The following RPS6KC1 variants were observed in gnomAD, a reference collection of about 807,000 sequenced individuals.
RPS6KC1 encodes the protein ribosomal protein S6 kinase C1, also known as inactive ribosomal protein S6 kinase delta-1.
Under a neutral mutation model 103.8 loss-of-function variants are expected in RPS6KC1, and 54 were observed. The ratio of observed to expected loss-of-function variants is 0.52; its 90% CI spans 0.42 to 0.65. The LOEUF is 0.65. Among genes scored for constraint, RPS6KC1 ranks in the 30% least tolerant of loss-of-function variants. The pLI is 0.00. For synonymous variants in RPS6KC1, 439 were observed against 438.7 expected (o/e 1.00, Z -0.01); for missense variants, 1,151 against 1,253.8 (o/e 0.92, Z 1.24).
chr1:213,560,888 C>T, the RPS6KC1 span, among the ~76,000 whole-genome samples: 1 of 152,056 alleles, frequency 6.6e-6, no homozygotes, highest in Admixed American at 6.6e-5. Context: ...GCTTTTTGCC[C>T]CAGATGGAGA....
At chr1:213,684,901 C>G in the RPS6KC1 span, among the ~76,000 whole-genome samples, 1 of 152,192 alleles carries the variant, frequency 6.6e-6, no homozygotes, top group African/African-American at 2.4e-5. Flanking sequence ...GGAGCTGAAT[C>G]CCGAAGATGT....
chr1:213,599,789 T>A, the RPS6KC1 span, among the ~76,000 whole-genome samples: 1 of 152,220 alleles, frequency 6.6e-6, no homozygotes, highest in African/African-American at 2.4e-5. Flanking sequence ...TGGATCAGAA[T>A]GACCTGCCTC....
chr1:213,554,832 CT>C, the RPS6KC1 span, among the ~76,000 whole-genome samples: 1 of 152,162 alleles, frequency 6.6e-6, no homozygotes, highest in Non-Finnish European at 1.5e-5. Context: ...TAGAGTCTAT[CT>C]TTTAATACTC....
chr1:213,353,900 T>C, the RPS6KC1 span, among the ~76,000 whole-genome samples: 2 of 152,126 alleles, frequency 1.3e-5, no homozygotes, highest in Admixed American at 6.5e-5. Context: ...AAAAATGATG[T>C]GGAAAAGCCG....
chr1:213,591,196 A>G, the RPS6KC1 span, among the ~76,000 whole-genome samples: 9 of 152,184 alleles, frequency 5.9e-5, no homozygotes, highest in Admixed American at 6.5e-5. Context: ...GCCCAAGCAC[A>G]TCACCTGTGT....
the RPS6KC1 span, among the ~76,000 whole-genome samples, chr1:213,736,294 G>T: frequency 6.6e-6 from 1 of 152,290 alleles, no homozygotes; most frequent in Non-Finnish European, 1.5e-5. Context: ...CAGCCAGGCC[G>T]TGTTCTCATG....
intron 5 of RPS6KC1, among the ~76,000 whole-genome samples, chr1:213,121,595 C>T (rs1037353083): frequency 6.6e-6 from 1 of 152,158 alleles, no homozygotes; most frequent in East Asian, 1.9e-4. Flanking sequence ...CTGCCCAAAT[C>T]GGTGCATATC....
At chr1:213,413,386 A>G in the RPS6KC1 span, among the ~76,000 whole-genome samples, 2 of 152,212 alleles carry the variant, frequency 1.3e-5, no homozygotes, top group African/African-American at 2.4e-5. Context: ...TCTTAAAACA[A>G]TAATAAACAC....
chr1:213,094,753 T>C (rs931452759), intron 3 of RPS6KC1, among the ~76,000 whole-genome samples: 3 of 152,178 alleles, frequency 2.0e-5, no homozygotes, highest in Admixed American at 6.5e-5. Context: ...CCATAGAACA[T>C]TGAACATTAA....
the RPS6KC1 span, among the ~76,000 whole-genome samples, chr1:213,812,299 G>A: frequency 7.1e-4 from 108 of 152,254 alleles, no homozygotes; most frequent in African/African-American, 2.5e-3. Flanking sequence ...CTTTTTGGTA[G>A]TATGGGAAGG....
intron 1 of RPS6KC1, among the ~76,000 whole-genome samples, chr1:213,059,674 G>A (rs939538770): frequency 9.2e-5 from 14 of 151,638 alleles, no homozygotes; most frequent in African/African-American, 2.9e-4. Context: ...CTACCACACC[G>A]GCTAATTTTT....
At chr1:213,235,507 TGA>T (rs1245803283) in intron 10 of RPS6KC1, among the ~76,000 whole-genome samples, 1 of 152,066 alleles carries the variant, frequency 6.6e-6, no homozygotes, top group African/African-American at 2.4e-5. Context: ...GTCATCTTAT[TGA>T]GAAGGGACAT....
the RPS6KC1 span, among the ~76,000 whole-genome samples, chr1:213,561,488 A>C: frequency 2.1e-4 from 32 of 152,166 alleles, no homozygotes; most frequent in Non-Finnish European, 3.5e-4. Context: ...ATTCCTTCTT[A>C]TGTCATTTGT....
chr1:213,853,944 T>C, the RPS6KC1 span, among the ~76,000 whole-genome samples: 9 of 152,344 alleles, frequency 5.9e-5, no homozygotes, highest in African/African-American at 1.9e-4. Flanking sequence ...AACACCAGCA[T>C]TGAGAAGAAG....
At chr1:213,837,553 C>T in the RPS6KC1 span, among the ~76,000 whole-genome samples, 1 of 152,162 alleles carries the variant, frequency 6.6e-6, no homozygotes, top group Non-Finnish European at 1.5e-5. Flanking sequence ...GAAGAACTGT[C>T]CCCTGACTAT....
At chr1:213,404,216 G>C in the RPS6KC1 span, among the ~76,000 whole-genome samples, 1 of 152,192 alleles carries the variant, frequency 6.6e-6, no homozygotes, top group African/African-American at 2.4e-5. Context: ...GCCGTGGGCT[G>C]CCTTCGGCGG....
At chr1:213,173,887 G>T (rs2091664959) in intron 7 of RPS6KC1, among the ~76,000 whole-genome samples, 1 of 152,120 alleles carries the variant, frequency 6.6e-6, no homozygotes. Flanking sequence ...TGCTTTCTTT[G>T]CTCTTTAAAT....
intron 3 of RPS6KC1, among the ~76,000 whole-genome samples, chr1:213,095,290 A>G (rs2081345489): frequency 1.3e-5 from 2 of 152,338 alleles, no homozygotes; most frequent in Admixed American, 6.5e-5. Context: ...AACTTTTGAT[A>G]TAGTTAAGAA....
the RPS6KC1 span, among the ~76,000 whole-genome samples, chr1:213,393,514 CCTT>C: frequency 6.6e-6 from 1 of 152,192 alleles, no homozygotes; most frequent in Non-Finnish European, 1.5e-5. Flanking sequence ...AATTTAAAGA[CCTT>C]CTGAGCAAAA....
Sources: gnomAD v4.1 joint callset for allele counts (sites outside exome capture counted in the v4.1 genomes callset) on GRCh38, gnomAD v4.1.1 for gene constraint, MANE v1.5 for transcripts, NCBI Gene and HGNC (gene_info 2026-07-23, HGNC 2026-07-21) for gene names.